The following EPB41L4B variants were observed in gnomAD, a reference collection of about 807,000 sequenced individuals.
EPB41L4B encodes the protein erythrocyte membrane protein band 4.1 like 4B.
Under a neutral mutation model 112.5 loss-of-function variants are expected in EPB41L4B, and 30 were observed. That is an observed-to-expected ratio of 0.27 (90% confidence interval 0.20 to 0.36). The LOEUF (loss-of-function observed/expected upper bound fraction) is 0.36. EPB41L4B is among the 10% of genes least tolerant of loss of function. The probability of loss-of-function intolerance (pLI) is 1.00; values close to 1 mark genes in which losing one functional copy is unlikely to be tolerated. For missense variants in EPB41L4B, 1,024 were observed against 1,133.3 expected, an observed-to-expected ratio of 0.90 and a Z score of 1.38; for synonymous variants, 408 against 439.7, an observed-to-expected ratio of 0.93 and a Z score of 0.90.
At chr9:109,300,202 A>G (rs1836906614) in intron 1 of EPB41L4B, 1 of 152,274 alleles carries the variant, frequency 6.6e-6, no homozygotes, top group Non-Finnish European at 1.5e-5. Flanking sequence ...ACCCAAGTCC[A>G]GCGATTACAG....
At chr9:109,177,755 G>T (rs1479871638) in intron 24 of EPB41L4B, among the ~76,000 whole-genome samples, 1 of 151,654 alleles carries the variant, frequency 6.6e-6, no homozygotes, top group Non-Finnish European at 1.5e-5. Flanking sequence ...CCTGGGGGCG[G>T]AGTTTGCAAT....
intron 4 of EPB41L4B, 101 bp downstream of exon 4, chr9:109,267,368 TAGAC>T (rs1564306767): frequency 5.8e-6 from 4 of 684,368 alleles, no homozygotes; most frequent in Admixed American, 2.5e-5. Context: ...TGCTGAGAAA[TAGAC>T]AGCAGACAGA....
At chr9:109,262,623 G>T (rs973476361) in intron 6 of EPB41L4B, among the ~76,000 whole-genome samples, 1 of 152,090 alleles carries the variant, frequency 6.6e-6, no homozygotes, top group Non-Finnish European at 1.5e-5. Context: ...ATCCGGCCAG[G>T]CCTGCTCCCT....
chr9:109,215,263 C>A (rs1405052633), intron 16 of EPB41L4B, among the ~76,000 whole-genome samples: 2 of 152,136 alleles, frequency 1.3e-5, no homozygotes, highest in Non-Finnish European at 2.9e-5. Context: ...GAAGCCTCCA[C>A]TTCAGTACTT....
intron 15 of EPB41L4B, among the ~76,000 whole-genome samples, chr9:109,221,657 A>G (rs1833576488): frequency 1.3e-5 from 2 of 152,238 alleles, no homozygotes; most frequent in Admixed American, 6.5e-5. Flanking sequence ...CTAGAGGACC[A>G]GGCAAATGGC....
At chr9:109,201,299 A>C (rs1832815920) in intron 19 of EPB41L4B, among the ~76,000 whole-genome samples, 1 of 151,876 alleles carries the variant, frequency 6.6e-6, no homozygotes, top group Admixed American at 6.6e-5. Flanking sequence ...AAAAATACAA[A>C]ATTAGCCAGG....
At chr9:109,182,169 A>T (rs1220499699) in intron 24 of EPB41L4B, among the ~76,000 whole-genome samples, 1 of 152,238 alleles carries the variant, frequency 6.6e-6, no homozygotes, top group Middle Eastern at 3.2e-3. Flanking sequence ...AGATCGTGCC[A>T]CTGCACTCCA....
At chr9:109,248,469 G>T (rs1214052074) in intron 13 of EPB41L4B, among the ~76,000 whole-genome samples, 1 of 152,170 alleles carries the variant, frequency 6.6e-6, no homozygotes, top group Non-Finnish European at 1.5e-5. Flanking sequence ...GCTCAGGGTC[G>T]CCTGGCTGGT....
intron 15 of EPB41L4B, among the ~76,000 whole-genome samples, chr9:109,224,394 G>C (rs1404584848): frequency 2.6e-5 from 4 of 152,134 alleles, no homozygotes; most frequent in Non-Finnish European, 5.9e-5. Context: ...CCATGATGTG[G>C]ATAAACTTTG....
chr9:109,194,328 G>T lies in EPB41L4B; in HGVS notation c.2115C>A (p.Thr705=), dbSNP rs376942200. The change falls in exon 21 of 26, where the codon ACC becomes ACA. Residue 705 remains threonine (T), a synonymous_variant. Transcript: ENST00000374566. ...CGGAGACTTGTGTGGCGGCCGTTGT[G>T]GTGTTTGTGGTTGTAGATGTGGTCA... ...VGVTTSTTTN[T]TTAATQVSVP... 2.9e-5 allele frequency: 47 copies of T among 1,614,030 alleles called. No individual in the cohort carries two copies. Among genetic ancestry groups the T allele is most frequent in the Admixed American group, 6.7e-5 (4 of 59,998 alleles).
intron 2 of EPB41L4B, among the ~76,000 whole-genome samples, chr9:109,271,430 T>G (rs1835616006): frequency 6.6e-6 from 1 of 152,238 alleles, no homozygotes; most frequent in Non-Finnish European, 1.5e-5. Context: ...AGAAACCCAG[T>G]CACAATCCTA....
chr9:109,202,018 G>C (rs1832850517), intron 19 of EPB41L4B, among the ~76,000 whole-genome samples: 1 of 152,280 alleles, frequency 6.6e-6, no homozygotes, highest in African/African-American at 2.4e-5. Flanking sequence ...TCAAGGTATA[G>C]ACAAGAGGAA....
intron 6 of EPB41L4B, among the ~76,000 whole-genome samples, chr9:109,260,161 C>A (rs1478599336): frequency 6.6e-6 from 1 of 152,008 alleles, no homozygotes; most frequent in Non-Finnish European, 1.5e-5. Context: ...CAAACCTCAA[C>A]CTCCCCTGGC....
intron 19 of EPB41L4B, among the ~76,000 whole-genome samples, chr9:109,202,096 G>C (rs1432066565): frequency 2.0e-5 from 3 of 152,122 alleles, no homozygotes; most frequent in South Asian, 2.1e-4. Flanking sequence ...TTAGATGAGG[G>C]AATAAGGTAG....
chr9:109,256,007 C>A, intron 9 of EPB41L4B, 129 bp downstream of exon 9: 2 of 1,125,594 alleles, frequency 1.8e-6, no homozygotes, highest in Non-Finnish European at 2.6e-6. Flanking sequence ...CACAGACCCA[C>A]AACAGCAGCA....
chr9:109,274,910 T>A (rs989705244), intron 2 of EPB41L4B, among the ~76,000 whole-genome samples: 3 of 152,198 alleles, frequency 2.0e-5, no homozygotes, highest in African/African-American at 7.2e-5. Context: ...GGGCGAGAAC[T>A]GGGTAAACAG....
At chr9:109,219,236 G>A (rs1005896917) in intron 15 of EPB41L4B, among the ~76,000 whole-genome samples, 1 of 152,146 alleles carries the variant, frequency 6.6e-6, no homozygotes, top group Non-Finnish European at 1.5e-5. Flanking sequence ...TCCAATTAGG[G>A]ACAATCAGAG....
intron 15 of EPB41L4B, among the ~76,000 whole-genome samples, chr9:109,231,736 G>A (rs1256758700): frequency 6.6e-6 from 1 of 152,072 alleles, no homozygotes; most frequent in East Asian, 1.9e-4. Flanking sequence ...AGCAGGTCCC[G>A]ACATTTTTCT....
intron 25 of EPB41L4B, among the ~76,000 whole-genome samples, chr9:109,175,468 AACACAC>A (rs59210551): frequency 0.078 from 10,052 of 129,326 alleles, 408 homozygotes; most frequent in Admixed American, 0.15. Flanking sequence ...CCACTGTTTA[AACACAC>A]ACACACACAC....
Sources: allele counts gnomAD v4.1 joint callset (sites outside exome capture counted in the v4.1 genomes callset), GRCh38; gene constraint gnomAD v4.1.1; transcripts MANE v1.5; gene names NCBI Gene and HGNC (gene_info 2026-07-23, HGNC 2026-07-21).